The following EBF1 variants were observed in gnomAD, a reference collection of about 807,000 sequenced individuals.
The protein encoded by EBF1 is transcription factor COE1.
EBF1 carries 10 observed loss-of-function variants against 68.4 expected under a neutral mutation model. The observed-to-expected ratio is 0.15, with a 90% CI of 0.09 to 0.25. The LOEUF (loss-of-function observed/expected upper bound fraction) is 0.25, where lower values mean the gene tolerates loss of function less well. EBF1 is among the 10% of genes least tolerant of loss of function. EBF1 has a pLI of 1.00. For missense variants in EBF1, 509 were observed against 794.4 expected (o/e 0.64, Z 4.32); for synonymous variants, 298 against 299.8 (o/e 0.99, Z 0.06).
chr5:158,830,550 G>A (rs1787318359), intron 7 of EBF1, among the ~76,000 whole-genome samples: 5 of 152,188 alleles, frequency 3.3e-5, no homozygotes, highest in Admixed American at 3.3e-4. Context: ...GATTACAGGT[G>A]TAAGCCAACA....
At chr5:158,912,394 C>CT (rs1806187501) in intron 6 of EBF1, among the ~76,000 whole-genome samples, 1 of 152,186 alleles carries the variant, frequency 6.6e-6, no homozygotes, top group African/African-American at 2.4e-5. Context: ...TTTCTAATTA[C>CT]TTCTTGTGCA....
intron 6 of EBF1, among the ~76,000 whole-genome samples, chr5:158,896,249 T>C (rs1802159948): frequency 2.0e-5 from 3 of 152,222 alleles, no homozygotes; most frequent in Admixed American, 6.5e-5. Flanking sequence ...CATTTAATTA[T>C]CCACTGTTGA....
chr5:158,857,310 T>C (rs1794223377), intron 6 of EBF1, among the ~76,000 whole-genome samples: 1 of 151,898 alleles, frequency 6.6e-6, no homozygotes, highest in Non-Finnish European at 1.5e-5. Context: ...ACTGGGACAC[T>C]CCCCTGGCTG....
intron 6 of EBF1, among the ~76,000 whole-genome samples, chr5:158,961,457 G>A (rs548944475): frequency 5.3e-5 from 8 of 152,046 alleles, no homozygotes; most frequent in East Asian, 1.9e-4. Context: ...AGGATGTAAC[G>A]CTGTGCAACT....
intron 8 of EBF1, among the ~76,000 whole-genome samples, chr5:158,810,821 G>A (rs1334718117): frequency 1.3e-5 from 2 of 152,064 alleles, no homozygotes; most frequent in African/African-American, 4.8e-5. Context: ...TGTTACTTTT[G>A]TGTTTCGCTT....
intron 5 of EBF1, among the ~76,000 whole-genome samples, chr5:159,074,057 G>T (rs1778298367): frequency 6.6e-6 from 1 of 152,164 alleles, no homozygotes; most frequent in Non-Finnish European, 1.5e-5. Flanking sequence ...ACAAGGAAGG[G>T]GCAAGATAAA....
At chr5:158,730,759 T>C (rs1034703262) in intron 11 of EBF1, among the ~76,000 whole-genome samples, 4 of 152,238 alleles carry the variant, frequency 2.6e-5, no homozygotes, top group African/African-American at 7.2e-5. Context: ...TTACATGCTA[T>C]GTGACCTTGA....
chr5:158,786,392 G>GTTAT (rs3981250), intron 9 of EBF1, among the ~76,000 whole-genome samples: 4,221 of 152,134 alleles, frequency 0.028, 194 homozygotes, highest in African/African-American at 0.097. Context: ...GGTTTTGTGG[G>GTTAT]TTATTTATTT....
intron 14 of EBF1, among the ~76,000 whole-genome samples, chr5:158,708,842 A>C (rs1758490088): frequency 6.6e-6 from 1 of 152,254 alleles, no homozygotes; most frequent in Non-Finnish European, 1.5e-5. Flanking sequence ...CAAATTCTTT[A>C]TAACCGCCAT....
intron 8 of EBF1, among the ~76,000 whole-genome samples, chr5:158,815,754 T>C (rs1179326182): frequency 6.6e-6 from 1 of 152,202 alleles, no homozygotes; most frequent in East Asian, 1.9e-4. Context: ...GGATTTCCGG[T>C]GTTACCTGCT....
intron 8 of EBF1, among the ~76,000 whole-genome samples, chr5:158,801,530 G>A (rs1476559539): frequency 6.6e-6 from 1 of 151,924 alleles, no homozygotes; most frequent in Non-Finnish European, 1.5e-5. Flanking sequence ...CAGATTAATT[G>A]GTTTAAATTT....
intron 8 of EBF1, among the ~76,000 whole-genome samples, chr5:158,808,846 C>A (rs1313208934): frequency 6.6e-6 from 1 of 152,124 alleles, no homozygotes; most frequent in African/African-American, 2.4e-5. Context: ...ATGTTCCCAG[C>A]ATATTTTTTT....
intron 6 of EBF1, among the ~76,000 whole-genome samples, chr5:159,006,564 C>T (rs780968612): frequency 4.3e-5 from 6 of 141,048 alleles, no homozygotes; most frequent in Non-Finnish European, 7.6e-5. Context: ...CGTGGGAATC[C>T]GTTTCAGGTA....
chr5:158,956,221 T>C (rs1432887121), intron 6 of EBF1, among the ~76,000 whole-genome samples: 1 of 152,154 alleles, frequency 6.6e-6, no homozygotes, highest in African/African-American at 2.4e-5. Flanking sequence ...CGACACGGTG[T>C]GTCACAGGCT....
In EBF1 at chr5:158,732,592, G is replaced by GA. The variant is rs898501475; in HGVS notation, c.1037-1436dup. Among the ~76,000 whole-genome samples, 155 of 145,764 alleles carry GA rather than the reference G, an allele frequency of 1.1e-3. 2 individuals are homozygous for GA. Among genetic ancestry groups the GA allele is most frequent in the South Asian group, 2.8e-3 (13 of 4,586 alleles). ...TGACAGTGCTTACTTTTTATGTAAG[G>GA]AAAAAAAAAAGCTGCATAAAGTGGC... On this transcript the variant is annotated intron_variant, in intron 10 of 15. Coordinates refer to ENST00000313708, the MANE Select transcript of EBF1 (RefSeq NM_024007.5).
rs373603491 is a variant in EBF1, at chr5:158,734,731, GA to G, written c.1037-3575del. On this transcript the variant is annotated intron_variant, in intron 10 of 15. Transcript: ENST00000313708. ...CAATTCCGAGAATCTGGTAGAGCAA[GA>G]AAAAAAAACTTAATTGGACACAATT... is the stretch of plus-strand genomic sequence containing the variant. 3.0e-3 allele frequency among the ~76,000 whole-genome samples: 457 copies of G among 150,086 alleles called. 4 individuals are homozygous for G. Among genetic ancestry groups the G allele is most frequent in the African/African-American group, 0.011 (437 of 40,962 alleles).
chr5:158,883,829 C>T (rs1163139421), intron 6 of EBF1, among the ~76,000 whole-genome samples: 3 of 151,998 alleles, frequency 2.0e-5, no homozygotes, highest in Non-Finnish European at 2.9e-5. Flanking sequence ...AAGGAAGATA[C>T]GAAGATAAAA....
At chr5:158,809,971 T>C (rs1004277585) in intron 8 of EBF1, among the ~76,000 whole-genome samples, 2 of 152,218 alleles carry the variant, frequency 1.3e-5, no homozygotes, top group Non-Finnish European at 2.9e-5. Context: ...CAACTCTCTT[T>C]TTCTTTTAAA....
intron 6 of EBF1, among the ~76,000 whole-genome samples, chr5:159,022,291 G>A (rs888151825): frequency 2.0e-5 from 3 of 152,166 alleles, no homozygotes; most frequent in Non-Finnish European, 4.4e-5. Context: ...AAATGTGCTC[G>A]GGGAGGCTGA....
Sources: allele counts gnomAD v4.1 joint callset (sites outside exome capture counted in the v4.1 genomes callset), GRCh38; gene constraint gnomAD v4.1.1; transcripts MANE v1.5; gene names NCBI Gene and HGNC (gene_info 2026-07-23, HGNC 2026-07-21).